The following DCUN1D1 variants were observed in gnomAD, a reference collection of about 807,000 sequenced individuals.
DCUN1D1 encodes the protein DCN1-like protein 1.
A neutral mutation model predicts 39.0 loss-of-function variants in DCUN1D1; 3 were observed. The observed-to-expected ratio is 0.08, with a 90% CI of 0.04 to 0.20. The LOEUF (loss-of-function observed/expected upper bound fraction) is 0.20, where lower values mean the gene tolerates loss of function less well. Ranked by LOEUF, DCUN1D1 falls within the 10% of genes least tolerant of loss-of-function variation. The pLI, the probability that DCUN1D1 is intolerant of heterozygous loss-of-function variation, is 1.00. For missense variants in DCUN1D1, 158 were observed against 302.4 expected (o/e 0.52, Z 3.54); for synonymous variants, 82 against 96.3 (o/e 0.85, Z 0.87).
upstream of DCUN1D1, among the ~76,000 whole-genome samples, chr3:182,981,814 A>G (rs1728562524): frequency 6.6e-6 from 1 of 152,236 alleles, no homozygotes; most frequent in South Asian, 2.1e-4. Flanking sequence ...CCAGCGCTGT[A>G]CCAAGGCAGG....
At chr3:182,947,411 T>C in intron 5 of DCUN1D1, 77 bp from the exon 6 acceptor site, 1 of 1,178,310 alleles carries the variant, frequency 8.5e-7, no homozygotes, top group Non-Finnish European at 1.2e-6. Flanking sequence ...CAATTTGAAA[T>C]ACAAGAATGC....
At chr3:182,980,553 G>A, upstream of DCUN1D1, 1 of 1,205,500 alleles carries the variant, frequency 8.3e-7, no homozygotes, top group South Asian at 2.2e-5. Flanking sequence ...GGCGGCGGCG[G>A]CGGCGGCTCC....
rs542186711 is a variant in DCUN1D1 at position 182,978,152 on chromosome 3, C to T, written c.3+2335G>A. On this transcript the variant is annotated intron_variant, in intron 1 of 6. Coordinates refer to ENST00000292782, the MANE Select transcript of DCUN1D1 (RefSeq NM_020640.4). ...GGGGGGAGGGAGGAAGTTAACAGAA[C>T]TTTTTTACTTATACAAAGTATTTCA... Among the ~76,000 whole-genome samples the T allele has an allele frequency of 7.4e-4, 105 of 142,542 alleles. 1 individual carries two copies. Among genetic ancestry groups the T allele is most frequent in the African/African-American group, 2.5e-3 (99 of 39,886 alleles). 93.5% of individuals were successfully genotyped at this position (142,542 alleles called of 152,430 possible).
chr3:182,948,764 A>C (rs538328991), intron 4 of DCUN1D1, among the ~76,000 whole-genome samples: 1 of 152,120 alleles, frequency 6.6e-6, no homozygotes, highest in Non-Finnish European at 1.5e-5. Flanking sequence ...TAAAAGCAAC[A>C]AAGAGCCAGG....
intron 3 of DCUN1D1, among the ~76,000 whole-genome samples, chr3:182,962,738 T>C (rs73883970): frequency 6.4e-4 from 98 of 152,318 alleles, no homozygotes; most frequent in African/African-American, 2.2e-3. Context: ...GTAAAGCAAG[T>C]CTTTAAATTT....
intron 2 of DCUN1D1, among the ~76,000 whole-genome samples, chr3:182,965,279 T>C (rs981437597): frequency 2.1e-4 from 32 of 152,162 alleles, no homozygotes; most frequent in African/African-American, 7.7e-4. Flanking sequence ...GTTTTATACA[T>C]ATGAGGGCAG....
chr3:182,948,531 AT>A (rs1396373751), intron 4 of DCUN1D1, among the ~76,000 whole-genome samples: 4 of 152,250 alleles, frequency 2.6e-5, no homozygotes, highest in Admixed American at 2.6e-4. Flanking sequence ...AACTACACTT[AT>A]CACATGACAG....
rs1404779415 is a variant in DCUN1D1, at chr3:182,941,909, G to A, written c.*3185C>T. Reference sequence around the variant, plus strand: ...CAATACGTAGTCTTAATAGTAACATGTTTAAAAACCTAAGCAAAGTGTACA... The same window carrying A: ...CAATACGTAGTCTTAATAGTAACATATTTAAAAACCTAAGCAAAGTGTACA... On this transcript the variant is annotated 3_prime_UTR_variant, in exon 7 of 7. Transcript: ENST00000292782. 2 of 152,024 alleles carry A rather than the reference G, an allele frequency of 1.3e-5. No homozygotes were observed. Among genetic ancestry groups the A allele is most frequent in the African/African-American group, 4.8e-5 (2 of 41,406 alleles). The allele number at this position is 152,024 out of a possible 1,614,324, so 9.4% of individuals were successfully genotyped here.
chr3:182,939,262 A>G lies in DCUN1D1; in HGVS notation c.*5832T>C, dbSNP rs1245778810. ...GCAGTCCGCATGCACTGTGGCAGGA[A>G]TAGTTCTAGAAGTACAGCCACTTTG... On this transcript the variant is annotated 3_prime_UTR_variant, in exon 7 of 7. Coordinates refer to ENST00000292782, the MANE Select transcript of DCUN1D1 (RefSeq NM_020640.4). The G allele has an allele frequency of 6.6e-6, 1 of 152,246 alleles. No individual in the cohort carries two copies. Among genetic ancestry groups the G allele is most frequent in the Non-Finnish European group, 1.5e-5 (1 of 68,050 alleles). The allele number at this position is 152,246 out of a possible 1,614,324, so 9.4% of individuals were successfully genotyped here.
rs1726126492 is a variant in DCUN1D1, at chr3:182,941,349, T to C, written c.*3745A>G. On this transcript the variant is annotated 3_prime_UTR_variant, in exon 7 of 7. Coordinates refer to ENST00000292782, the MANE Select transcript of DCUN1D1 (RefSeq NM_020640.4). ...CCCTCAGAAATCAAAGATAAAGGTGTCATGATAAATAACTTCACCACAGTC... is the reference window on the plus strand; with the variant it reads ...CCCTCAGAAATCAAAGATAAAGGTGCCATGATAAATAACTTCACCACAGTC... The C allele has an allele frequency of 6.6e-6, 1 of 152,040 alleles. No individual in the cohort carries two copies. The highest frequency in any genetic ancestry group is 1.5e-5 in the Non-Finnish European group (1 of 67,962). 9.4% of individuals were successfully genotyped at this position (152,040 alleles called of 1,614,324 possible). A position where few individuals can be genotyped will look rare whatever the true frequency, so the allele number is the denominator to read the frequency against.
intron 4 of DCUN1D1, among the ~76,000 whole-genome samples, chr3:182,952,244 T>G (rs1009127048): frequency 1.3e-5 from 2 of 152,188 alleles, no homozygotes; most frequent in African/African-American, 4.8e-5. Context: ...CTACTGATTT[T>G]CCTCCATTCA....
rs571545211 is a variant in DCUN1D1 at position 182,961,881 on chromosome 3, T to C, written c.390-525A>G. Among the ~76,000 whole-genome samples, 70 of 152,328 alleles carry C rather than the reference T, an allele frequency of 4.6e-4. 1 individual carries two copies. Among genetic ancestry groups the C allele is most frequent in the Admixed American group, 2.6e-3 (40 of 15,298 alleles). On this transcript the variant is annotated intron_variant, in intron 3 of 6. Coordinates refer to ENST00000292782, the MANE Select transcript of DCUN1D1 (RefSeq NM_020640.4). ...CCAACTGAATCATCTCAAATTAATATTAAGCTTTTTCTGTATGTGCAAAAC... is the reference window on the plus strand; with the variant it reads ...CCAACTGAATCATCTCAAATTAATACTAAGCTTTTTCTGTATGTGCAAAAC...
At chr3:182,975,968 A>G (rs1728218672) in intron 1 of DCUN1D1, among the ~76,000 whole-genome samples, 2 of 151,902 alleles carry the variant, frequency 1.3e-5, no homozygotes, top group Admixed American at 6.6e-5. Context: ...GATAAATGTT[A>G]ATTTCGTTTC....
chr3:182,964,813 G>C (rs1577185854), intron 2 of DCUN1D1, among the ~76,000 whole-genome samples: 1 of 151,540 alleles, frequency 6.6e-6, no homozygotes, highest in South Asian at 2.1e-4. Context: ...GCTAATTTTT[G>C]TATTTTTAGT....
chr3:182,960,234 T>C (rs910123198), intron 4 of DCUN1D1, among the ~76,000 whole-genome samples: 2 of 152,082 alleles, frequency 1.3e-5, no homozygotes, highest in Non-Finnish European at 2.9e-5. Flanking sequence ...AAAATCTTCA[T>C]TGGGTCCCCA....
Position 182,940,256 on chromosome 3 carries a change from GAAATA to G in DCUN1D1, c.*4833_*4837del, listed in dbSNP as rs1308053229. The stretch of plus-strand genomic sequence containing the variant: ...GTTTTCTCAGAATATTTCATAACCT[GAAATA>G]AAATTATAATATTCATATGAACATG... On this transcript the variant is annotated 3_prime_UTR_variant, in exon 7 of 7. Transcript: ENST00000292782. 2 of 152,040 alleles carry G rather than the reference GAAATA, an allele frequency of 1.3e-5. No homozygotes were observed. The highest frequency in any genetic ancestry group is 2.4e-5 in the African/African-American group (1 of 41,392). The allele number at this position is 152,040 out of a possible 1,614,324, so 9.4% of individuals were successfully genotyped here. A position where few individuals can be genotyped will look rare whatever the true frequency, so the allele number is the denominator to read the frequency against.
At chr3:182,967,128 CTATA>C (rs60339329) in intron 1 of DCUN1D1, among the ~76,000 whole-genome samples, 2,341 of 143,478 alleles carry the variant, frequency 0.016, 31 homozygotes, top group African/African-American at 0.033. Context: ...AACAAAAAAA[CTATA>C]TATATATATA....
At chr3:182,978,234 G>A (rs951642615) in intron 1 of DCUN1D1, among the ~76,000 whole-genome samples, 3 of 151,864 alleles carry the variant, frequency 2.0e-5, no homozygotes, top group Non-Finnish European at 4.4e-5. Context: ...CTCTGGAAAT[G>A]GGCTGCAGCT....
Position 182,942,273 on chromosome 3 carries a change from C to T in DCUN1D1, c.*2821G>A, listed in dbSNP as rs1433799753. 3 of 152,160 alleles carry T rather than the reference C, an allele frequency of 2.0e-5. No individual in the cohort carries two copies. The highest frequency in any genetic ancestry group is 1.9e-4 in the East Asian group (1 of 5,176). The allele number at this position is 152,160 out of a possible 1,614,324, so 9.4% of individuals were successfully genotyped here. A position where few individuals can be genotyped will look rare whatever the true frequency, so the allele number is the denominator to read the frequency against. Reference sequence around the variant, plus strand: ...CTCCCCAAAACATGCCATTACAATGCTCTTTCCATGAATAATTATTCTTCC... The same window carrying T: ...CTCCCCAAAACATGCCATTACAATGTTCTTTCCATGAATAATTATTCTTCC... On this transcript the variant is annotated 3_prime_UTR_variant, in exon 7 of 7. Coordinates refer to ENST00000292782, the MANE Select transcript of DCUN1D1 (RefSeq NM_020640.4).
Sources: allele counts gnomAD v4.1 joint callset (sites outside exome capture counted in the v4.1 genomes callset), GRCh38; gene constraint gnomAD v4.1.1; transcripts MANE v1.5; gene names NCBI Gene and HGNC (gene_info 2026-07-23, HGNC 2026-07-21).